EDDM13: variants seen among roughly 807,000 people sequenced by gnomAD.
The protein encoded by EDDM13 is epididymal protein 13.
Under a neutral mutation model 17.8 loss-of-function variants are expected in EDDM13, and 24 were observed. The observed-to-expected ratio is 1.35, with a 90% CI of 0.98 to 1.90. The LOEUF (loss-of-function observed/expected upper bound fraction) is 1.90. Among genes scored for constraint, EDDM13 ranks in the 40% most tolerant of loss-of-function variants. The pLI is 0.00. For synonymous variants in EDDM13, 31 were observed against 37.5 expected (o/e 0.83, Z 0.63); for missense variants, 97 against 100.8 (o/e 0.96, Z 0.16).
intron 13 of EDDM13, among the ~76,000 whole-genome samples, chr19:56,302,516 TCCTCCCTC>T (rs71184347): frequency 7.1e-5 from 5 of 70,550 alleles, no homozygotes; most frequent in African/African-American, 3.2e-4. Flanking sequence ...CTTCTTTCCT[TCCTCCCTC>T]CCTCCCTCTT....
At chr19:56,286,020 A>G (rs973969275) in intron 6 of EDDM13, among the ~76,000 whole-genome samples, 4 of 151,988 alleles carry the variant, frequency 2.6e-5, no homozygotes, top group African/African-American at 9.7e-5. Flanking sequence ...ATATTATCTA[A>G]CTTTTTATTT....
At chr19:56,273,958 A>G (rs2038052421) in intron 1 of EDDM13, among the ~76,000 whole-genome samples, 1 of 152,188 alleles carries the variant, frequency 6.6e-6, no homozygotes. Flanking sequence ...AGGGGCAAAC[A>G]CACAAGTTAG....
At chr19:56,305,997 C>A (rs1383699719) in intron 14 of EDDM13, among the ~76,000 whole-genome samples, 1 of 151,760 alleles carries the variant, frequency 6.6e-6, no homozygotes, top group Non-Finnish European at 1.5e-5. Context: ...AGTGGGAGGG[C>A]ACTATGGGAG....
chr19:56,292,060 G>T (rs1352046427), intron 9 of EDDM13, among the ~76,000 whole-genome samples: 1 of 152,146 alleles, frequency 6.6e-6, no homozygotes, highest in Non-Finnish European at 1.5e-5. Context: ...AGTGGTGACG[G>T]TGGGTTACGG....
In EDDM13 at chr19:56,293,738, A is replaced by C. The variant is rs76128467; in HGVS notation, c.233-2221A>C. 7.8e-3 allele frequency among the ~76,000 whole-genome samples: 1,192 copies of C among 152,166 alleles called. 17 individuals are homozygous for C. Among genetic ancestry groups the C allele is most frequent in the African/African-American group, 0.027 (1,109 of 41,518 alleles). On this transcript the variant is annotated intron_variant, in intron 9 of 14. Coordinates refer to ENST00000649256, the MANE Select transcript of EDDM13 (RefSeq NM_001354658.2). ...AGGGGACACCTGGCAATGCCTAGAGATATTTTTGGTTGTGAGGACTCAGGG... is the reference window on the plus strand; with the variant it reads ...AGGGGACACCTGGCAATGCCTAGAGCTATTTTTGGTTGTGAGGACTCAGGG...
chr19:56,304,898 TGCC>T (rs1411897375), intron 14 of EDDM13, 68 bp downstream of exon 14: 431 of 597,958 alleles, frequency 7.2e-4, no homozygotes, highest in Non-Finnish European at 8.5e-4. Context: ...TCATCCCAAC[TGCC>T]TGGCATTTGA....
chr19:56,292,107 G>A (rs1428654197), intron 9 of EDDM13, among the ~76,000 whole-genome samples: 1 of 152,138 alleles, frequency 6.6e-6, no homozygotes, highest in African/African-American at 2.4e-5. Flanking sequence ...TAACCACGGT[G>A]CTGTGCTTCC....
At chr19:56,277,780 A>G (rs1370803805) in intron 2 of EDDM13, among the ~76,000 whole-genome samples, 1 of 152,176 alleles carries the variant, frequency 6.6e-6, no homozygotes, top group Non-Finnish European at 1.5e-5. Context: ...GAGGTGAGGG[A>G]TGAAAACTAC....
intron 14 of EDDM13, among the ~76,000 whole-genome samples, chr19:56,307,041 C>T (rs1460922500): frequency 5.3e-5 from 2 of 37,470 alleles, no homozygotes; most frequent in South Asian, 1.2e-3. Flanking sequence ...GGGTCCCCCC[C>T]GGCCTCTCCC....
At chr19:56,303,579 T>G (rs2040487727) in intron 13 of EDDM13, among the ~76,000 whole-genome samples, 1 of 151,842 alleles carries the variant, frequency 6.6e-6, no homozygotes. Flanking sequence ...AAGTCATCCT[T>G]CATTCATTGA....
At chr19:56,280,753 C>T (rs2038631509) in intron 2 of EDDM13, 2 of 152,174 alleles carry the variant, frequency 1.3e-5, no homozygotes, top group East Asian at 3.9e-4. Context: ...GAGCTCAGAG[C>T]TTCAAGCCCT....
Position 56,285,026 on chromosome 19 carries a change from T to C in EDDM13, c.154+2T>C. The C allele has an allele frequency of 1.0e-6, 1 of 985,326 alleles. No individual in the cohort carries two copies. Among genetic ancestry groups the C allele is most frequent in the Non-Finnish European group, 1.2e-6 (1 of 829,810 alleles). The allele number at this position is 985,326 out of a possible 1,614,324, so 61.0% of individuals were successfully genotyped here. A position where few individuals can be genotyped will look rare whatever the true frequency, so the allele number is the denominator to read the frequency against. ...TCATGAGCAGACTGTCACCGGATGG[T>C]AAGTGTCAGGATTGTATCTTTTAAA... On this transcript the variant is annotated splice_donor_variant, in intron 6 of 14. Coordinates refer to ENST00000649256, the MANE Select transcript of EDDM13 (RefSeq NM_001354658.2). LOFTEE classifies it high-confidence loss of function.
chr19:56,303,069 T>C (rs943815831), intron 13 of EDDM13: 1 of 393,602 alleles, frequency 2.5e-6, no homozygotes, highest in African/African-American at 2.1e-5. Flanking sequence ...GTGACACCTC[T>C]GCTGTGGGTT....
chr19:56,284,459 G>A (rs879918142), intron 5 of EDDM13, among the ~76,000 whole-genome samples: 5 of 150,156 alleles, frequency 3.3e-5, no homozygotes, highest in Non-Finnish European at 7.4e-5. Flanking sequence ...AGTCTGGTGG[G>A]AAACAGAGAT....
chr19:56,291,714 T>TG, intron 9 of EDDM13, among the ~76,000 whole-genome samples: 1 of 152,228 alleles, frequency 6.6e-6, no homozygotes, highest in South Asian at 2.1e-4. Context: ...CTCTTAGCCA[T>TG]GGATCAACTC....
intron 13 of EDDM13, among the ~76,000 whole-genome samples, chr19:56,303,940 C>T (rs1027495502): frequency 6.6e-6 from 1 of 152,134 alleles, no homozygotes; most frequent in African/African-American, 2.4e-5. Flanking sequence ...TGAGTACCTT[C>T]GAGGAACCAA....
intron 11 of EDDM13, among the ~76,000 whole-genome samples, chr19:56,297,271 C>T (rs1286912881): frequency 1.3e-5 from 2 of 152,000 alleles, no homozygotes; most frequent in African/African-American, 4.8e-5. Flanking sequence ...TCTCCTCATT[C>T]GAGGCACCTG....
At chr19:56,289,936 C>G (rs1427847658) in intron 8 of EDDM13, among the ~76,000 whole-genome samples, 1 of 152,152 alleles carries the variant, frequency 6.6e-6, no homozygotes, top group Non-Finnish European at 1.5e-5. Context: ...TCTTGTACCT[C>G]TAATTCATGT....
At chr19:56,298,410 G>A (rs1339397843) in intron 12 of EDDM13, among the ~76,000 whole-genome samples, 1 of 152,154 alleles carries the variant, frequency 6.6e-6, no homozygotes, top group Non-Finnish European at 1.5e-5. Context: ...GGCCGAGGCA[G>A]GCGGATCACA....
Sources: gnomAD v4.1 joint callset for allele counts (sites outside exome capture counted in the v4.1 genomes callset) on GRCh38, gnomAD v4.1.1 for gene constraint, MANE v1.5 for transcripts, NCBI Gene and HGNC (gene_info 2026-07-23, HGNC 2026-07-21) for gene names.